The following NELFA variants were observed in gnomAD, a reference collection of about 807,000 sequenced individuals.
The protein encoded by NELFA is negative elongation factor complex member A.
In NELFA, 35 loss-of-function variants were observed where a neutral mutation model predicts 51.8. That is an observed-to-expected ratio of 0.68 (90% CI 0.52 to 0.90). The LOEUF is 0.90. Ranked by LOEUF, NELFA falls within the 40% of genes least tolerant of loss-of-function variation. NELFA has a pLI of 0.00. For missense variants in NELFA, 658 were observed against 746.4 expected (o/e 0.88, Z 1.38); for synonymous variants, 417 against 338.4 (o/e 1.23, Z -2.55).
chr4:1,983,826 G>A (rs199604546), intron 9 of NELFA, 22 bp downstream of exon 9: 59 of 1,569,706 alleles, frequency 3.8e-5, no homozygotes, highest in Admixed American at 1.4e-4. Flanking sequence ...GTGGCCTGTG[G>A]GCCCTACCAG....
At chr4:1,988,569 A>G in intron 3 of NELFA, among the ~76,000 whole-genome samples, 1 of 152,184 alleles carries the variant, frequency 6.6e-6, no homozygotes, top group East Asian at 1.9e-4. Flanking sequence ...AGCCTCCCGG[A>G]CAGCGCTGGG....
At position 1,983,088 on chromosome 4, in the gene NELFA, G is replaced by A. The variant is rs1321100277; in HGVS notation, c.*231C>T. 2.3e-6 allele frequency: 1 copy of A among 441,986 alleles called. No homozygotes were observed. The highest frequency in any genetic ancestry group is 3.5e-5 in the East Asian group (1 of 28,464). 27.4% of individuals were successfully genotyped at this position (441,986 alleles called of 1,614,324 possible). A position where few individuals can be genotyped will look rare whatever the true frequency, so the allele number is the denominator to read the frequency against. On this transcript the variant is annotated 3_prime_UTR_variant, in exon 11 of 11. Coordinates refer to ENST00000382882, the MANE Select transcript of NELFA (RefSeq NM_005663.5). ...ACTACATTCAAAAATGTAACGTTGAGTCCAAAAAGTGTCTTAAATCACACA... is the reference window on the plus strand; with the variant it reads ...ACTACATTCAAAAATGTAACGTTGAATCCAAAAAGTGTCTTAAATCACACA...
At chr4:1,993,640 G>A (rs1728343805) in intron 1 of NELFA, among the ~76,000 whole-genome samples, 1 of 151,904 alleles carries the variant, frequency 6.6e-6, no homozygotes, top group Non-Finnish European at 1.5e-5. Flanking sequence ...AAAATGCTTG[G>A]CTTACACACA....
At chr4:1,986,004 C>A (rs1486822375) in intron 6 of NELFA, 110 bp downstream of exon 6, 22 of 1,378,940 alleles carry the variant, frequency 1.6e-5, no homozygotes, top group Middle Eastern at 1.8e-4. Flanking sequence ...CCACGGAGAG[C>A]AGCCTCACGG....
At chr4:1,986,437 G>A in intron 4 of NELFA, 35 bp from the exon 5 acceptor site, 2 of 1,609,278 alleles carry the variant, frequency 1.2e-6, no homozygotes, top group African/African-American at 1.4e-5. Context: ...GCCAGCAGCA[G>A]TGACCGGCAA....
At chr4:1,986,979 C>T (rs1326927100) in intron 4 of NELFA, among the ~76,000 whole-genome samples, 2 of 152,128 alleles carry the variant, frequency 1.3e-5, no homozygotes, top group African/African-American at 4.8e-5. Context: ...AGCCCTGGCC[C>T]TGGGATGCCT....
At position 2,008,837 on chromosome 4, in the gene NELFA, G is replaced by C; in HGVS notation, c.123C>G (p.Ile41Met). 6.2e-7 allele frequency: 1 copy of C among 1,609,726 alleles called. No individual in the cohort carries two copies. Among genetic ancestry groups the C allele is most frequent in the Non-Finnish European group, 8.5e-7 (1 of 1,178,436 alleles). ...ACGAGAGGCCATGGAAGCAGAGACG[G>C]ATGTTGTCGATGACCGCGGCCGTGA... ...SLLTAAVIDN[I>M]RLCFHGLSSA... Residue 41 changes from isoleucine (I) to methionine (M), a missense_variant, in exon 1 of 11, where the codon ATC becomes ATG. Transcript: ENST00000382882.
rs1324052127 is a variant in NELFA, at chr4:1,989,258, T to G, written c.544+450A>C. Among the ~76,000 whole-genome samples the G allele has an allele frequency of 6.6e-6, 1 of 151,982 alleles. No homozygotes were observed. The highest frequency in any genetic ancestry group is 1.5e-5 in the Non-Finnish European group (1 of 67,998). On this transcript the variant is annotated intron_variant, in intron 3 of 10. Coordinates refer to ENST00000382882, the MANE Select transcript of NELFA (RefSeq NM_005663.5). This position sits in a 1 kb window ranked among gnomAD's most constrained non-coding sequence, Gnocchi z 4.8. ...ACCATGCCCAGCCTAAATTCTGAAG[T>G]TTTTAAAGCATGTTTTCAGAACATA...
chr4:1,985,641 A>G (rs1187607230), intron 7 of NELFA, 135 bp downstream of exon 7: 1 of 668,136 alleles, frequency 1.5e-6, no homozygotes, highest in East Asian at 2.8e-5. Context: ...ATATACGTAT[A>G]TATACATAAA....
intron 6 of NELFA, 48 bp from the exon 7 acceptor site, chr4:1,985,912 T>A: frequency 6.6e-7 from 1 of 1,516,788 alleles, no homozygotes; most frequent in Non-Finnish European, 9.0e-7. Context: ...GCGTCTGCAG[T>A]GTCAGCTCAG....
At chr4:1,984,751 A>T in intron 8 of NELFA, 57 bp downstream of exon 8, 2 of 1,314,022 alleles carry the variant, frequency 1.5e-6, no homozygotes, top group Non-Finnish European at 2.1e-6. Flanking sequence ...GCCCGTGGGC[A>T]AGGTCATGTC....
intron 1 of NELFA, among the ~76,000 whole-genome samples, chr4:1,999,697 C>G (rs1367571015): frequency 6.6e-6 from 1 of 152,150 alleles, no homozygotes; most frequent in Non-Finnish European, 1.5e-5. Flanking sequence ...TAGGGGGAGA[C>G]TTTAACACCC....
intron 2 of NELFA, among the ~76,000 whole-genome samples, chr4:1,991,062 G>T (rs533249188): frequency 6.6e-6 from 1 of 152,338 alleles, no homozygotes; most frequent in African/African-American, 2.4e-5. Context: ...GCCTCCCAAA[G>T]TGCTGGGGTT....
At chr4:1,993,590 A>AAG (rs1491070332) in intron 1 of NELFA, among the ~76,000 whole-genome samples, 16 of 133,286 alleles carry the variant, frequency 1.2e-4, no homozygotes, top group African/African-American at 4.1e-4. Flanking sequence ...AAAAAAAAAA[A>AAG]GAAAGAAAGA....
At chr4:2,000,524 T>C (rs771282012) in intron 1 of NELFA, among the ~76,000 whole-genome samples, 1 of 151,960 alleles carries the variant, frequency 6.6e-6, no homozygotes, top group Non-Finnish European at 1.5e-5. Context: ...TATAAACACC[T>C]CTACACAAAT....
At chr4:1,986,484 T>C in intron 4 of NELFA, 82 bp from the exon 5 acceptor site, 1 of 1,598,720 alleles carries the variant, frequency 6.3e-7, no homozygotes, top group African/African-American at 1.3e-5. Context: ...TCCCACCCTC[T>C]TCTAGGCTAG....
chr4:2,005,143 AT>A (rs34348331), intron 1 of NELFA, among the ~76,000 whole-genome samples: 43,158 of 151,312 alleles, frequency 0.29, 6,327 homozygotes, highest in African/African-American at 0.34. Flanking sequence ...TGATTAAAAG[AT>A]TTTTTTTTAC....
intron 2 of NELFA, among the ~76,000 whole-genome samples, chr4:1,990,693 C>T (rs190199546): frequency 4.7e-4 from 72 of 152,332 alleles, no homozygotes; most frequent in Admixed American, 1.7e-3. Flanking sequence ...TGGGGCACAA[C>T]GTTTGGGCTC....
At position 1,983,710 on chromosome 4, in the gene NELFA, G is replaced by A. The variant is rs759060380; in HGVS notation, c.1303-15C>T. The stretch of plus-strand genomic sequence containing the variant: ...ATCTGCTCTCTCTACAGCGGGGAGA[G>A]GGGTGTGGGTGCCAGGGCCCCGCCA... On this transcript the variant is annotated splice_polypyrimidine_tract_variant and intron_variant, in intron 9 of 10. Coordinates refer to ENST00000382882, the MANE Select transcript of NELFA (RefSeq NM_005663.5). 3 of 1,613,284 alleles carry A rather than the reference G, an allele frequency of 1.9e-6. No homozygotes were observed. The South Asian group carries it at 3.3e-5, about 18-fold the overall frequency.
Sources: allele counts gnomAD v4.1 joint callset (sites outside exome capture counted in the v4.1 genomes callset), GRCh38; gene constraint gnomAD v4.1.1; non-coding constraint Gnocchi (gnomAD v3.1); transcripts MANE v1.5; gene names NCBI Gene and HGNC (gene_info 2026-07-23, HGNC 2026-07-21).